SGMS1: variants seen among roughly 807,000 people sequenced by gnomAD.
SGMS1 encodes the protein sphingomyelin synthase 1.
A neutral mutation model predicts 46.2 loss-of-function variants in SGMS1; 13 were observed. That is an observed-to-expected ratio of 0.28 (90% CI 0.18 to 0.45). SGMS1 has a LOEUF of 0.45. SGMS1 is among the 20% of genes least tolerant of loss of function. The pLI is 1.00. For synonymous variants in SGMS1, 203 were observed against 187.8 expected (o/e 1.08, Z -0.66); for missense variants, 324 against 519.9 (o/e 0.62, Z 3.66).
chr10:50,508,228 C>T (rs980374908), intron 3 of SGMS1, among the ~76,000 whole-genome samples: 1 of 151,972 alleles, frequency 6.6e-6, no homozygotes, highest in African/African-American at 2.4e-5. Flanking sequence ...CTAAACAATC[C>T]AAGAGTATTC....
At chr10:50,598,872 G>A (rs1838621489) in intron 1 of SGMS1, among the ~76,000 whole-genome samples, 1 of 151,884 alleles carries the variant, frequency 6.6e-6, no homozygotes, top group Admixed American at 6.6e-5. Context: ...TTGAGTCTAG[G>A]AAGACAGCAA....
intron 6 of SGMS1, among the ~76,000 whole-genome samples, chr10:50,405,747 A>G (rs1849005566): frequency 6.6e-6 from 1 of 152,224 alleles, no homozygotes. Context: ...ACATGCAACT[A>G]TAATTCTAGG....
chr10:50,463,472 A>AT (rs1381261979), intron 4 of SGMS1, among the ~76,000 whole-genome samples: 3 of 152,252 alleles, frequency 2.0e-5, no homozygotes, highest in Non-Finnish European at 4.4e-5. Context: ...ATGAGATATC[A>AT]TCTCACACCC....
intron 3 of SGMS1, among the ~76,000 whole-genome samples, chr10:50,501,141 A>G (rs1431923944): frequency 6.6e-6 from 1 of 152,078 alleles, no homozygotes; most frequent in Non-Finnish European, 1.5e-5. Context: ...TGCTCTGGCA[A>G]TAATATCTAT....
chr10:50,386,345 T>C (rs1032286819), intron 6 of SGMS1, among the ~76,000 whole-genome samples: 3 of 152,184 alleles, frequency 2.0e-5, no homozygotes, highest in African/African-American at 7.2e-5. Flanking sequence ...CATTACTTCA[T>C]ATAGCTTAGA....
At chr10:50,424,749 C>T (rs1849299216) in intron 6 of SGMS1, among the ~76,000 whole-genome samples, 1 of 151,952 alleles carries the variant, frequency 6.6e-6, no homozygotes, top group Admixed American at 6.6e-5. Context: ...TGAACAGACA[C>T]TTCTCAAACA....
chr10:50,360,755 A>C (rs1420023801), intron 6 of SGMS1, among the ~76,000 whole-genome samples: 3 of 152,184 alleles, frequency 2.0e-5, no homozygotes, highest in African/African-American at 7.2e-5. Flanking sequence ...AGTCTAACAC[A>C]GGCTATTTCT....
intron 3 of SGMS1, among the ~76,000 whole-genome samples, chr10:50,482,715 C>A (rs1179987541): frequency 6.6e-6 from 1 of 152,166 alleles, no homozygotes; most frequent in Non-Finnish European, 1.5e-5. Flanking sequence ...ACACTACTAT[C>A]CTTAAATGTA....
upstream of SGMS1, chr10:50,624,760 A>T (rs1471417777): frequency 2.0e-6 from 2 of 985,296 alleles, no homozygotes; most frequent in Non-Finnish European, 2.4e-6. Context: ...CCAAGTTAGG[A>T]TGGACAGCGG....
rs879885834 is a variant in SGMS1, at chr10:50,574,967, A to ATATATATATATGTG, written c.-589+15185_-589+15186insCACATATATATATA. Among the ~76,000 whole-genome samples the ATATATATATATGTG allele has an allele frequency of 1.1e-3, 160 of 139,388 alleles. 8 individuals are homozygous for ATATATATATATGTG. The highest frequency in any genetic ancestry group is 2.1e-3 in the Non-Finnish European group (135 of 63,120). The allele number at this position is 139,388 out of a possible 152,430, so 91.4% of individuals were successfully genotyped here. On this transcript the variant is annotated intron_variant, in intron 2 of 10. Coordinates refer to ENST00000361781, the MANE Select transcript of SGMS1 (RefSeq NM_147156.4). ...ATTTTAAAAGGAAAATGTGGTGTATATATATATATATATATATAAAACAAA... is the reference window on the plus strand; with the variant it reads ...ATTTTAAAAGGAAAATGTGGTGTATATATATATATATGTGTATATATATATATATATAAAACAAA...
chr10:50,464,736 T>C (rs1837309769), intron 4 of SGMS1, among the ~76,000 whole-genome samples: 1 of 152,304 alleles, frequency 6.6e-6, no homozygotes, highest in Admixed American at 6.5e-5. Flanking sequence ...GCCTGGCCCG[T>C]TGATTTTAGC....
At chr10:50,370,551 G>A (rs1405486386) in intron 6 of SGMS1, among the ~76,000 whole-genome samples, 2 of 151,590 alleles carry the variant, frequency 1.3e-5, no homozygotes, top group Non-Finnish European at 2.9e-5. Flanking sequence ...GACCAGCCTG[G>A]CCAACATGGT....
At chr10:50,573,049 T>G (rs777722214) in intron 2 of SGMS1, among the ~76,000 whole-genome samples, 3 of 152,288 alleles carry the variant, frequency 2.0e-5, no homozygotes, top group Non-Finnish European at 4.4e-5. Flanking sequence ...GTTTTAAATT[T>G]CACCATAAAA....
chr10:50,334,762 C>T (rs772757144), intron 7 of SGMS1: 23 of 152,104 alleles, frequency 1.5e-4, no homozygotes, highest in Admixed American at 3.9e-4. Flanking sequence ...GCTTGTGGTG[C>T]CTGTGTTCTA....
chr10:50,392,814 C>T (rs1024886789), intron 6 of SGMS1, among the ~76,000 whole-genome samples: 1 of 152,102 alleles, frequency 6.6e-6, no homozygotes, highest in Non-Finnish European at 1.5e-5. Context: ...AGAGAGAGAA[C>T]AAGAATCCAG....
intron 2 of SGMS1, among the ~76,000 whole-genome samples, chr10:50,575,735 T>C (rs1838378861): frequency 1.3e-5 from 2 of 152,048 alleles, no homozygotes. Flanking sequence ...TTGTATACAT[T>C]AATTATGTGA....
chr10:50,471,364 C>A lies in SGMS1; in HGVS notation c.-497-4432G>T, dbSNP rs575215728. ...GCTCAGTTTAGCAAGGAGAAAAAAACCACGTAAATCAGTATTTACATTTCT... is the reference window on the plus strand; with the variant it reads ...GCTCAGTTTAGCAAGGAGAAAAAAAACACGTAAATCAGTATTTACATTTCT... On this transcript the variant is annotated intron_variant, in intron 3 of 10. Transcript: ENST00000361781. 4.6e-5 allele frequency among the ~76,000 whole-genome samples: 7 copies of A among 152,276 alleles called. No homozygotes were observed. The South Asian group carries it at 8.3e-4, about 18-fold the overall frequency.
At chr10:50,359,141 T>C (rs1224139133) in intron 6 of SGMS1, among the ~76,000 whole-genome samples, 3 of 152,202 alleles carry the variant, frequency 2.0e-5, no homozygotes, top group African/African-American at 7.2e-5. Context: ...TTTGCTAAGA[T>C]ACAAGAAGAA....
At chr10:50,469,496 T>G (rs1837360039) in intron 3 of SGMS1, among the ~76,000 whole-genome samples, 3 of 152,182 alleles carry the variant, frequency 2.0e-5, no homozygotes, top group Admixed American at 2.0e-4. Flanking sequence ...AAAAAGTTCT[T>G]TCTGGGACTC....
Sources: allele counts gnomAD v4.1 joint callset (sites outside exome capture counted in the v4.1 genomes callset), GRCh38; gene constraint gnomAD v4.1.1; transcripts MANE v1.5; gene names NCBI Gene and HGNC (gene_info 2026-07-23, HGNC 2026-07-21).